Variants in ADSS2 observed in about 807,000 individuals in gnomAD.
ADSS2 encodes the protein adenylosuccinate synthase 2, also known as adenylosuccinate synthetase isozyme 2.
A neutral mutation model predicts 60.0 loss-of-function variants in ADSS2; 30 were observed. That is an observed-to-expected ratio of 0.50 (90% confidence interval 0.37 to 0.68). The LOEUF (loss-of-function observed/expected upper bound fraction) is 0.68, where lower values mean the gene tolerates loss of function less well. Among genes scored for constraint, ADSS2 ranks in the 30% least tolerant of loss-of-function variants. ADSS2 has a pLI of 0.00. For missense variants in ADSS2, 373 were observed against 554.8 expected (o/e 0.67, Z 3.29); for synonymous variants, 187 against 193.1 (o/e 0.97, Z 0.26).
intron 4 of ADSS2, among the ~76,000 whole-genome samples, chr1:244,430,308 T>C (rs1664909321): frequency 6.6e-6 from 1 of 152,192 alleles, no homozygotes; most frequent in African/African-American, 2.4e-5. Context: ...AACTGTTAAG[T>C]GACAGACCCA....
rs1021278263 is a variant in ADSS2, at chr1:244,411,225, A to G, written c.1318+62T>C. 4.7e-5 allele frequency: 72 copies of G among 1,531,638 alleles called. 1 individual carries two copies. Among genetic ancestry groups the G allele is most frequent in the Non-Finnish European group, 2.4e-5 (27 of 1,138,126 alleles). The allele number at this position is 1,531,638 out of a possible 1,614,324, so 94.9% of individuals were successfully genotyped here. On this transcript the variant is annotated intron_variant, in intron 12 of 12. Coordinates refer to ENST00000366535, the MANE Select transcript of ADSS2 (RefSeq NM_001126.5). Reference sequence around the variant, plus strand: ...CAGAGCGAGACTCCGTCTCAAAAAAAAAAAAAGAAAAAAGAGAGAGAGAGA... The same window carrying G: ...CAGAGCGAGACTCCGTCTCAAAAAAGAAAAAAGAAAAAAGAGAGAGAGAGA...
At position 244,451,589 on chromosome 1, in the gene ADSS2, C is replaced by T; in HGVS notation, c.183+46G>A. 2 of 1,558,716 alleles carry T rather than the reference C, an allele frequency of 1.3e-6. No homozygotes were observed. Among genetic ancestry groups the T allele is most frequent in the Non-Finnish European group, 8.7e-7 (1 of 1,154,130 alleles). On this transcript the variant is annotated intron_variant, in intron 1 of 12. Coordinates refer to ENST00000366535, the MANE Select transcript of ADSS2 (RefSeq NM_001126.5). The surrounding 1 kb of genome is among the most constrained non-coding windows in gnomAD (Gnocchi z 6.6). ...TCCCGGGCACCAGGAGCCAGGCAGC[C>T]CGAGCTCCCGGGCCCGGCTTCCCAT...
chr1:244,451,739 C>G lies in ADSS2; in HGVS notation c.79G>C (p.Gly27Arg). Residue 27 changes from glycine to arginine, a missense_variant, in exon 1 of 13, where the codon GGA becomes CGA. This residue lies in a region of ADSS2 where 47 missense variants were observed against 48.3 expected (regional missense o/e 0.97). Transcript: ENST00000366535. This position sits in a 1 kb window ranked among gnomAD's most constrained non-coding sequence, Gnocchi z 6.6. ...CCGAGCACCACCGTCACCCGGTTTCCTCCGGGCCGCGCCCTGGGGCGGCCG... is the reference window on the plus strand; with the variant it reads ...CCGAGCACCACCGTCACCCGGTTTCGTCCGGGCCGCGCCCTGGGGCGGCCG... ...DCGRPRARPG[G>R]NRVTVVLGAQ... 16 of 1,606,600 alleles carry G rather than the reference C, an allele frequency of 1.0e-5. No homozygotes were observed. The highest frequency in any genetic ancestry group is 1.4e-5 in the Non-Finnish European group (16 of 1,176,816).
rs1664344437 is a variant in ADSS2 at position 244,408,883 on chromosome 1, TA to T, written c.*702del. The T allele has an allele frequency of 1.3e-5, 2 of 152,454 alleles. No homozygotes were observed. Among genetic ancestry groups the T allele is most frequent in the Non-Finnish European group, 2.9e-5 (2 of 68,012 alleles). The allele number at this position is 152,454 out of a possible 1,614,324, so 9.4% of individuals were successfully genotyped here. A position where few individuals can be genotyped will look rare whatever the true frequency, so the allele number is the denominator to read the frequency against. On this transcript the variant is annotated 3_prime_UTR_variant, in exon 13 of 13. Transcript: ENST00000366535. ...GATCTTTTAATGACTATTTTTAACA[TA>T]AAGATTGTTGTTTTGGGAAACATCT...
At chr1:244,434,942 G>A (rs546979800) in intron 3 of ADSS2, among the ~76,000 whole-genome samples, 2 of 152,120 alleles carry the variant, frequency 1.3e-5, no homozygotes, top group East Asian at 3.9e-4. Context: ...GCCGAGGCAG[G>A]TGGATCACGA....
At chr1:244,432,660 CTTTTTTTTT>C (rs532312490) in intron 3 of ADSS2, 65 bp from the exon 4 acceptor site, 14 of 384,928 alleles carry the variant, frequency 3.6e-5, no homozygotes, top group Non-Finnish European at 3.7e-5. Flanking sequence ...ATCTTAATTT[CTTTTTTTTT>C]TTTTTTTTTT....
intron 11 of ADSS2, among the ~76,000 whole-genome samples, chr1:244,411,644 G>A (rs1288109143): frequency 1.3e-5 from 2 of 152,154 alleles, no homozygotes; most frequent in African/African-American, 2.4e-5. Flanking sequence ...CTGCAGCAAC[G>A]CATATGATCA....
chr1:244,435,593 CCT>C (rs981944810), intron 3 of ADSS2, among the ~76,000 whole-genome samples: 2 of 151,590 alleles, frequency 1.3e-5, no homozygotes, highest in Admixed American at 1.3e-4. Context: ...TCCTCCTCCA[CCT>C]CTGTCCTTCT....
chr1:244,409,689 C>G, intron 12 of ADSS2, 51 bp from the exon 13 acceptor site: 1 of 1,437,026 alleles, frequency 7.0e-7, no homozygotes, highest in Non-Finnish European at 9.8e-7. Flanking sequence ...CTCTAATGTT[C>G]ACTCGTTGGG....
In ADSS2 at chr1:244,435,168, C is replaced by CAAAAAAAA. The variant is rs60576167; in HGVS notation, c.355+1649_355+1656dup. 6.1e-3 allele frequency among the ~76,000 whole-genome samples: 318 copies of CAAAAAAAA among 51,742 alleles called. 34 individuals are homozygous for CAAAAAAAA. Among genetic ancestry groups the CAAAAAAAA allele is most frequent in the East Asian group, 0.014 (24 of 1,754 alleles). The allele number at this position is 51,742 out of a possible 152,430, so 33.9% of individuals were successfully genotyped here. A position where few individuals can be genotyped will look rare whatever the true frequency, so the allele number is the denominator to read the frequency against. On this transcript the variant is annotated intron_variant, in intron 3 of 12. Transcript: ENST00000366535. Reference sequence around the variant, plus strand: ...GGGTGACAGAGAGAGACTCCGTCTCCAAAAAAAAAAAAAAAAAAAAAAAAA... The same window carrying CAAAAAAAA: ...GGGTGACAGAGAGAGACTCCGTCTCCAAAAAAAAAAAAAAAAAAAAAAAAAAAAAAAAA...
rs1378051039 is a variant in ADSS2, at chr1:244,419,818, A to AT, written c.790+351dup. On this transcript the variant is annotated intron_variant, in intron 8 of 12. Transcript: ENST00000366535. ...AATCTTGCTTAATAATAATGTACAC[A>AT]TTTTTAAAAGGTTGAATTAAAGATG... Among the ~76,000 whole-genome samples the AT allele has an allele frequency of 2.0e-5, 3 of 152,306 alleles. No individual in the cohort carries two copies. In the East Asian group the frequency reaches 5.8e-4, roughly 29 times the overall value.
Position 244,424,304 on chromosome 1 carries a change from C to T in ADSS2, c.473+17G>A, listed in dbSNP as rs752311188. On this transcript the variant is annotated intron_variant, in intron 5 of 12. Coordinates refer to ENST00000366535, the MANE Select transcript of ADSS2 (RefSeq NM_001126.5). ...ATATGCTTAAACTGTACCAAAAAAACAAAAACCCACACATACTTTTTTCCT... is the reference window on the plus strand; with the variant it reads ...ATATGCTTAAACTGTACCAAAAAAATAAAAACCCACACATACTTTTTTCCT... 1 of 1,611,074 alleles carries T rather than the reference C, an allele frequency of 6.2e-7. No homozygotes were observed. The highest frequency in any genetic ancestry group is 8.5e-7 in the Non-Finnish European group (1 of 1,178,202).
chr1:244,440,906 G>C (rs966109436), intron 1 of ADSS2, among the ~76,000 whole-genome samples: 9 of 152,168 alleles, frequency 5.9e-5, no homozygotes, highest in African/African-American at 2.2e-4. Context: ...GAGGCACTCA[G>C]ATTGTTTCCC....
At chr1:244,427,143 T>C (rs1157532034) in intron 4 of ADSS2, among the ~76,000 whole-genome samples, 1 of 152,120 alleles carries the variant, frequency 6.6e-6, no homozygotes, top group African/African-American at 2.4e-5. Flanking sequence ...TGAGATTCAG[T>C]GAACAGGGCA....
At chr1:244,436,604 A>C (rs375602041) in intron 3 of ADSS2, among the ~76,000 whole-genome samples, 2 of 152,344 alleles carry the variant, frequency 1.3e-5, no homozygotes, top group South Asian at 2.1e-4. Flanking sequence ...TAGATGACTA[A>C]TGTGTAAAAA....
intron 10 of ADSS2, among the ~76,000 whole-genome samples, chr1:244,416,459 A>C (rs1364296512): frequency 1.3e-5 from 2 of 152,172 alleles, no homozygotes; most frequent in Non-Finnish European, 2.9e-5. Context: ...CTGGGACTAC[A>C]GGCGTGTGCC....
At chr1:244,413,085 C>T (rs1168781068) in intron 11 of ADSS2, among the ~76,000 whole-genome samples, 1 of 152,134 alleles carries the variant, frequency 6.6e-6, no homozygotes, top group Non-Finnish European at 1.5e-5. Context: ...CAACATTTGC[C>T]AGTAGGTACC....
intron 7 of ADSS2, among the ~76,000 whole-genome samples, chr1:244,421,152 T>G (rs1664667777): frequency 6.6e-6 from 1 of 152,186 alleles, no homozygotes; most frequent in East Asian, 1.9e-4. Context: ...ATCTCTACAC[T>G]ATTACTAGTA....
Position 244,416,097 on chromosome 1 carries a change from G to A in ADSS2, c.1071-19C>T. On this transcript the variant is annotated intron_variant, in intron 10 of 12. Transcript: ENST00000366535. ...TGCCAACCTAATTTTGGAAGAAAAG[G>A]CAATGTTAAAAGAGCAGACTCTTAA... 6.4e-7 allele frequency: 1 copy of A among 1,569,736 alleles called. No individual in the cohort carries two copies. Among genetic ancestry groups the A allele is most frequent in the Non-Finnish European group, 8.8e-7 (1 of 1,141,564 alleles).
Sources: gnomAD v4.1 joint callset for allele counts (sites outside exome capture counted in the v4.1 genomes callset) on GRCh38, gnomAD v4.1.1 for gene constraint, gnomAD v4.1.1 regional missense constraint, Gnocchi (gnomAD v3.1) non-coding constraint, MANE v1.5 for transcripts, NCBI Gene and HGNC (gene_info 2026-07-23, HGNC 2026-07-21) for gene names.